PATJ: variants seen among roughly 807,000 people sequenced by gnomAD.
PATJ encodes the protein inaD-like protein.
A neutral mutation model predicts 224.9 loss-of-function variants in PATJ; 190 were observed. The ratio of observed to expected loss-of-function variants is 0.84; its 90% CI spans 0.75 to 0.95. PATJ has a LOEUF of 0.95. Ranked by LOEUF, PATJ falls within the 40% of genes least tolerant of loss-of-function variation. The probability of loss-of-function intolerance (pLI) is 0.00; values close to 1 mark genes in which losing one functional copy is unlikely to be tolerated. For synonymous variants in PATJ, 769 were observed against 820.3 expected, an observed-to-expected ratio of 0.94 and a Z score of 1.07; for missense variants, 2,121 against 2,270.3, an observed-to-expected ratio of 0.93 and a Z score of 1.34.
rs1182248981 is a variant in PATJ at position 61,771,586 on chromosome 1, G to A, written c.680G>A (p.Ser227Asn). Residue 227 changes from serine to asparagine, a missense_variant, in exon 6 of 44, where the codon AGT becomes AAT. Physicochemically the swap from Ser to Asn is conservative, Grantham distance 46. Transcript: ENST00000642238. The stretch of plus-strand genomic sequence containing the variant: ...AGGGAACCAGTCCACACAAAAAGCA[G>A]TACTTCTAGCAGCCTAAATGATACA... ...VAREPVHTKS[S>N]TSSSLNDTTL... is the part of the protein sequence containing the mutation. 2 of 1,609,476 alleles carry A rather than the reference G, an allele frequency of 1.2e-6. No homozygotes were observed. The highest frequency in any genetic ancestry group is 1.7e-5 in the Admixed American group (1 of 58,868).
intron 26 of PATJ, among the ~76,000 whole-genome samples, chr1:61,919,457 C>A (rs1673959309): frequency 6.6e-6 from 1 of 150,968 alleles, no homozygotes; most frequent in African/African-American, 2.4e-5. Context: ...ACGCGCACCA[C>A]CACGCCCAGC....
intron 33 of PATJ, among the ~76,000 whole-genome samples, chr1:62,090,967 GA>G (rs1365110960): frequency 2.0e-5 from 3 of 152,198 alleles, no homozygotes; most frequent in African/African-American, 7.2e-5. Flanking sequence ...TTATAGAGAA[GA>G]AAAACTTCAG....
At chr1:61,835,490 G>A (rs1358325485) in intron 17 of PATJ, among the ~76,000 whole-genome samples, 1 of 152,100 alleles carries the variant, frequency 6.6e-6, no homozygotes, top group East Asian at 1.9e-4. Context: ...TGCAATCTCT[G>A]CCTCCTGGGT....
intron 27 of PATJ, among the ~76,000 whole-genome samples, chr1:61,935,343 T>A (rs574968152): frequency 3.0e-4 from 45 of 152,316 alleles, no homozygotes; most frequent in Middle Eastern, 3.4e-3. Context: ...TACTTTAATT[T>A]CAGAAAAGCA....
chr1:62,106,764 G>A (rs1354730212), intron 33 of PATJ, among the ~76,000 whole-genome samples: 1 of 151,992 alleles, frequency 6.6e-6, no homozygotes, highest in Non-Finnish European at 1.5e-5. Flanking sequence ...CCTATTCTTG[G>A]CCAAGCCTAT....
chr1:61,979,868 G>A (rs1204404140), intron 27 of PATJ, among the ~76,000 whole-genome samples: 1 of 152,002 alleles, frequency 6.6e-6, no homozygotes. Flanking sequence ...ACTAACGTCT[G>A]CTGCTTAGAT....
chr1:61,830,222 T>C (rs1659063007), intron 16 of PATJ, among the ~76,000 whole-genome samples: 1 of 152,140 alleles, frequency 6.6e-6, no homozygotes, highest in Non-Finnish European at 1.5e-5. Flanking sequence ...ACCAGTAACA[T>C]CCAAGCTGAG....
chr1:62,017,222 TG>T (rs1275851514), intron 28 of PATJ, among the ~76,000 whole-genome samples: 1 of 152,130 alleles, frequency 6.6e-6, no homozygotes, highest in East Asian at 1.9e-4. Context: ...TAACCCAGCC[TG>T]GGCAACATGG....
chr1:61,813,378 TACAC>T (rs141533164), intron 14 of PATJ, among the ~76,000 whole-genome samples: 6,171 of 44,340 alleles, frequency 0.14, 298 homozygotes, highest in Middle Eastern at 0.21. Context: ...TATATATATA[TACAC>T]ACACACACAC....
chr1:62,105,174 T>A (rs1169515391), intron 33 of PATJ, among the ~76,000 whole-genome samples: 3 of 152,204 alleles, frequency 2.0e-5, no homozygotes, highest in African/African-American at 7.2e-5. Context: ...GGATAGTTCA[T>A]TGAGCGCCAG....
At chr1:61,752,316 T>TC (rs1417415325) in intron 1 of PATJ, among the ~76,000 whole-genome samples, 2 of 148,002 alleles carry the variant, frequency 1.4e-5, no homozygotes, top group African/African-American at 5.0e-5. Context: ...TCTTTCTTTT[T>TC]TTTTTTTTTT....
intron 29 of PATJ, among the ~76,000 whole-genome samples, chr1:62,030,849 T>C (rs1189454625): frequency 6.6e-6 from 1 of 152,224 alleles, no homozygotes; most frequent in Non-Finnish European, 1.5e-5. Context: ...TTATCAAAAG[T>C]TTGTTCCTTT....
intron 14 of PATJ, among the ~76,000 whole-genome samples, chr1:61,817,834 T>G (rs998395231): frequency 1.2e-4 from 19 of 152,138 alleles, no homozygotes; most frequent in African/African-American, 4.6e-4. Flanking sequence ...TCTTGAAAAG[T>G]TTGTTTTTTA....
At position 61,844,643 on chromosome 1, in the gene PATJ, C is replaced by T. The variant is rs148375616; in HGVS notation, c.2112+10858C>T. 5.3e-4 allele frequency among the ~76,000 whole-genome samples: 80 copies of T among 152,002 alleles called. 1 individual carries two copies. In the East Asian group the frequency reaches 0.012, roughly 24 times the overall value. ...TACTGTGCCTAATTTATAAATTAAC[C>T]GTTATCATAGGTGATACGGTTTGCC... On this transcript the variant is annotated intron_variant, in intron 17 of 43. Coordinates refer to ENST00000642238, the MANE Select transcript of PATJ (RefSeq NM_001350145.3).
At chr1:62,022,815 C>T (rs939340569) in intron 29 of PATJ, among the ~76,000 whole-genome samples, 4 of 152,202 alleles carry the variant, frequency 2.6e-5, no homozygotes, top group Non-Finnish European at 5.9e-5. Context: ...AGTGGACTCA[C>T]CATGGGCTCC....
chr1:61,836,930 G>T (rs55724849), intron 17 of PATJ, among the ~76,000 whole-genome samples: 18,364 of 152,240 alleles, frequency 0.12, 1,237 homozygotes, highest in South Asian at 0.24. Context: ...GAAAGTATTG[G>T]TAGAGGGAGA....
intron 30 of PATJ, among the ~76,000 whole-genome samples, chr1:62,048,545 CAAAAAAAAAAAAAAA>C (rs773157635): frequency 0.016 from 1,070 of 66,316 alleles, 28 homozygotes; most frequent in African/African-American, 0.04. Context: ...GACTCTGTCT[CAAAAAAAAAAAAAAA>C]AAAAAAAAAA....
chr1:62,140,453 G>A (rs1667387339), intron 41 of PATJ, among the ~76,000 whole-genome samples: 1 of 152,110 alleles, frequency 6.6e-6, no homozygotes, highest in Admixed American at 6.6e-5. Context: ...AGGAGTTTGA[G>A]ACCGGCCTGG....
Position 62,128,873 on chromosome 1 carries a change from A to G in PATJ, c.5199A>G (p.Gln1733=). 1 of 1,612,872 alleles carries G rather than the reference A, an allele frequency of 6.2e-7. No individual in the cohort carries two copies. The highest frequency in any genetic ancestry group is 1.3e-5 in the African/African-American group (1 of 75,032). ...ATCGGATTGTCAGCATTAACGGGCAACCTTTGGATGGGCTGTCTCACGCGG... is the reference window on the plus strand; with the variant it reads ...ATCGGATTGTCAGCATTAACGGGCAGCCTTTGGATGGGCTGTCTCACGCGG... The part of the protein sequence containing the change: ...VGDRIVSING[Q]PLDGLSHADV... Residue 1733 remains glutamine, a synonymous_variant, in exon 41 of 44, where the codon CAA becomes CAG. Coordinates refer to ENST00000642238, the MANE Select transcript of PATJ (RefSeq NM_001350145.3).
Sources: allele counts gnomAD v4.1 joint callset (sites outside exome capture counted in the v4.1 genomes callset), GRCh38; gene constraint gnomAD v4.1.1; transcripts MANE v1.5; gene names NCBI Gene and HGNC (gene_info 2026-07-23, HGNC 2026-07-21).